Variants in PARD3B observed in about 807,000 individuals in gnomAD.
PARD3B encodes the protein par-3 family cell polarity regulator beta.
Under a neutral mutation model 130.2 loss-of-function variants are expected in PARD3B, and 103 were observed. The ratio of observed to expected loss-of-function variants is 0.79; its 90% CI spans 0.67 to 0.93. The LOEUF is 0.93. PARD3B is among the 40% of genes least tolerant of loss of function. PARD3B has a pLI of 0.00. For missense variants in PARD3B, 1,609 were observed against 1,499.2 expected (o/e 1.07, Z -1.21); for synonymous variants, 583 against 553.2 (o/e 1.05, Z -0.76).
In PARD3B at chr2:205,098,887, A is replaced by C. The variant is rs16836932; in HGVS notation, c.505-5539A>C. 4.3e-3 allele frequency among the ~76,000 whole-genome samples: 654 copies of C among 152,294 alleles called. 7 individuals carry two copies. The highest frequency in any genetic ancestry group is 0.015 in the African/African-American group (629 of 41,560). On this transcript the variant is annotated intron_variant, in intron 4 of 22. Coordinates refer to ENST00000406610, the MANE Select transcript of PARD3B (RefSeq NM_001302769.2). ...CTAAAAATAGTGCGGTGATGTTTAA[A>C]TCCAACTCATTTTGGCTGTCAGAAA...
intron 2 of PARD3B, among the ~76,000 whole-genome samples, chr2:204,788,776 G>A (rs1397315627): frequency 6.6e-6 from 1 of 152,080 alleles, no homozygotes; most frequent in African/African-American, 2.4e-5. Context: ...AAATTATGAT[G>A]CAAGTTAGAA....
intron 10 of PARD3B, among the ~76,000 whole-genome samples, chr2:205,156,854 T>A (rs1489188977): frequency 6.6e-6 from 1 of 152,206 alleles, no homozygotes; most frequent in African/African-American, 2.4e-5. Context: ...ATAATGATAA[T>A]GCAACCTGAT....
At chr2:204,648,649 T>TA (rs2035363403) in intron 1 of PARD3B, among the ~76,000 whole-genome samples, 4 of 115,852 alleles carry the variant, frequency 3.5e-5, no homozygotes, top group African/African-American at 6.9e-5. Flanking sequence ...ATATTATATA[T>TA]ATAATATATT....
chr2:205,124,925 G>A (rs1301566181), intron 9 of PARD3B, among the ~76,000 whole-genome samples: 7 of 152,232 alleles, frequency 4.6e-5, no homozygotes, highest in Non-Finnish European at 8.8e-5. Context: ...ACAGCTGGAA[G>A]GGATTTTGCA....
At chr2:205,106,849 A>G (rs141958917) in intron 5 of PARD3B, among the ~76,000 whole-genome samples, 21 of 152,336 alleles carry the variant, frequency 1.4e-4, no homozygotes, top group Non-Finnish European at 2.4e-4. Context: ...GAAAAGGATG[A>G]TAACAATCTT....
At chr2:205,124,647 T>C (rs1396832313) in intron 9 of PARD3B, among the ~76,000 whole-genome samples, 181 bp downstream of exon 9, 1 of 152,100 alleles carries the variant, frequency 6.6e-6, no homozygotes, top group Admixed American at 6.5e-5. Context: ...ATGAGGAGTC[T>C]AACTTTGTAA....
chr2:204,561,307 A>G (rs1229062659), intron 1 of PARD3B, among the ~76,000 whole-genome samples: 2 of 152,248 alleles, frequency 1.3e-5, no homozygotes, highest in East Asian at 3.8e-4. Context: ...TAATGAAAGT[A>G]TAAATTGATA....
chr2:205,386,922 T>C (rs528755776), intron 18 of PARD3B, among the ~76,000 whole-genome samples: 1 of 152,294 alleles, frequency 6.6e-6, no homozygotes, highest in East Asian at 1.9e-4. Flanking sequence ...CCAATAAAAA[T>C]ATTTTGCAAC....
intron 20 of PARD3B, among the ~76,000 whole-genome samples, chr2:205,468,890 T>A (rs1195113717): frequency 6.6e-6 from 1 of 152,038 alleles, no homozygotes; most frequent in Admixed American, 6.6e-5. Context: ...TCCTCCCAAT[T>A]TTCTGAGGAG....
At chr2:205,127,363 A>G (rs1266859605) in intron 10 of PARD3B, among the ~76,000 whole-genome samples, 1 of 152,104 alleles carries the variant, frequency 6.6e-6, no homozygotes, top group Non-Finnish European at 1.5e-5. Flanking sequence ...AATAACAAAT[A>G]GAAACAAATG....
rs2041658591 is a variant in PARD3B, at chr2:205,292,857, G to C, written c.2186-7673G>C. Among the ~76,000 whole-genome samples the C allele has an allele frequency of 6.6e-6, 1 of 152,056 alleles. No homozygotes were observed. The highest frequency in any genetic ancestry group is 2.1e-4 in the South Asian group (1 of 4,822). On this transcript the variant is annotated intron_variant, in intron 16 of 22. Coordinates refer to ENST00000406610, the MANE Select transcript of PARD3B (RefSeq NM_001302769.2). This position sits in a 1 kb window ranked among gnomAD's most constrained non-coding sequence, Gnocchi z 5.3. ...TCACATTTATCTTCCATTCCTCTTA[G>C]GACCAAGCACAGTTATGAGCCACAA...
intron 18 of PARD3B, among the ~76,000 whole-genome samples, chr2:205,357,675 A>G (rs2105868326): frequency 6.6e-6 from 1 of 152,086 alleles, no homozygotes; most frequent in East Asian, 1.9e-4. Context: ...AAAATAAGTG[A>G]TAGTGATAGA....
At chr2:204,978,648 C>T (rs1035521202) in intron 3 of PARD3B, among the ~76,000 whole-genome samples, 1 of 152,042 alleles carries the variant, frequency 6.6e-6, no homozygotes, top group South Asian at 2.1e-4. Flanking sequence ...TTGCCTCCTC[C>T]TTTCCCAACA....
At chr2:205,199,388 G>A (rs959164420) in intron 15 of PARD3B, among the ~76,000 whole-genome samples, 1 of 151,966 alleles carries the variant, frequency 6.6e-6, no homozygotes, top group Non-Finnish European at 1.5e-5. Context: ...TGATAACCTC[G>A]GCTATGTAGA....
chr2:204,616,120 C>T (rs112161473), intron 1 of PARD3B, among the ~76,000 whole-genome samples: 1,821 of 152,244 alleles, frequency 0.012, 36 homozygotes, highest in African/African-American at 0.041. Flanking sequence ...TAATTGATTA[C>T]CTGGATTTTC....
intron 3 of PARD3B, among the ~76,000 whole-genome samples, chr2:204,983,323 T>A (rs1461227078): frequency 6.6e-6 from 1 of 150,786 alleles, no homozygotes; most frequent in Non-Finnish European, 1.5e-5. Flanking sequence ...AACCAACTTA[T>A]AACAACTGAC....
At chr2:204,847,783 G>T (rs2044524992) in intron 2 of PARD3B, among the ~76,000 whole-genome samples, 1 of 152,140 alleles carries the variant, frequency 6.6e-6, no homozygotes, top group Admixed American at 6.6e-5. Flanking sequence ...ATATGCTAAA[G>T]AGTCATTGTC....
intron 18 of PARD3B, among the ~76,000 whole-genome samples, chr2:205,356,847 C>T (rs1001120199): frequency 4.7e-5 from 7 of 149,866 alleles, no homozygotes; most frequent in Admixed American, 1.3e-4. Context: ...GCTGAGATTG[C>T]GCCATTATAC....
intron 16 of PARD3B, among the ~76,000 whole-genome samples, chr2:205,272,988 T>C (rs1378341173): frequency 6.6e-6 from 1 of 152,214 alleles, no homozygotes; most frequent in Non-Finnish European, 1.5e-5. Context: ...ACAGATAAGT[T>C]AGCCAAATCA....
Sources: allele counts gnomAD v4.1 joint callset (sites outside exome capture counted in the v4.1 genomes callset), GRCh38; gene constraint gnomAD v4.1.1; non-coding constraint Gnocchi (gnomAD v3.1); transcripts MANE v1.5; gene names NCBI Gene and HGNC (gene_info 2026-07-23, HGNC 2026-07-21).